Variants in KRT1 observed in about 807,000 individuals in gnomAD.
KRT1 encodes keratin, type II cytoskeletal 1.
In KRT1, 28 loss-of-function variants were observed where a neutral mutation model predicts 51.6. The observed-to-expected ratio is 0.54, with a 90% CI of 0.40 to 0.74. The LOEUF (loss-of-function observed/expected upper bound fraction) is 0.74, where lower values mean the gene tolerates loss of function less well. Among genes scored for constraint, KRT1 ranks in the 30% least tolerant of loss-of-function variants. The pLI is 0.00. For synonymous variants in KRT1, 301 were observed against 307.7 expected, an observed-to-expected ratio of 0.98 and a Z score of 0.23; for missense variants, 783 against 815.5, an observed-to-expected ratio of 0.96 and a Z score of 0.49.
At chr12:52,675,885 C>T in intron 7 of KRT1, 141 bp from the exon 8 acceptor site, 1 of 982,368 alleles carries the variant, frequency 1.0e-6, no homozygotes, top group Non-Finnish European at 1.6e-6. Flanking sequence ...CCAATCCCCT[C>T]TGGCCTCCCA....
chr12:52,678,836 G>C, intron 1 of KRT1, 80 bp from the exon 2 acceptor site: 5 of 1,211,292 alleles, frequency 4.1e-6, no homozygotes, highest in Non-Finnish European at 6.0e-6. Flanking sequence ...ATTTGGAAAA[G>C]AACCTCAATT....
In KRT1 at chr12:52,677,765, C is replaced by A. The variant is rs774920090; in HGVS notation, c.868-20G>T. 2 of 1,598,254 alleles carry A rather than the reference C, an allele frequency of 1.3e-6. No homozygotes were observed. The highest frequency in any genetic ancestry group is 1.3e-5 in the African/African-American group (1 of 74,688). ...CACATCCTAGAGGAACAAGGGACAT[C>A]ATGAAGGCACATTCTCTCCAGGGCA... On this transcript the variant is annotated intron_variant, in intron 3 of 8. Coordinates refer to ENST00000252244, the MANE Select transcript of KRT1 (RefSeq NM_006121.4).
chr12:52,678,294 G>T (rs1941540093), intron 2 of KRT1, 71 bp from the exon 3 acceptor site: 14 of 1,490,486 alleles, frequency 9.4e-6, no homozygotes, highest in Non-Finnish European at 1.1e-5. Context: ...CTAAACTAAA[G>T]GTGGCATTGC....
At position 52,680,290 on chromosome 12, in the gene KRT1, C is replaced by G; in HGVS notation, c.59G>C (p.Gly20Ala). Reference protein sequence around the residue: ...GYRSGGGFSSGSAGIINYQRR... With the variant: ...GYRSGGGFSSASAGIINYQRR... ...CTGGTAGTTGATGATCCCAGCAGAGCCAGAGCTGAAGCCCCCTCCACTTCG... is the reference window on the plus strand; with the variant it reads ...CTGGTAGTTGATGATCCCAGCAGAGGCAGAGCTGAAGCCCCCTCCACTTCG... The change falls in exon 1 of 9, where the codon GGC becomes GCC. Residue 20 changes from glycine to alanine, a missense_variant. Physicochemically the swap from Gly to Ala is moderately conservative, Grantham distance 60. Coordinates refer to ENST00000252244, the MANE Select transcript of KRT1 (RefSeq NM_006121.4). 2 of 1,614,174 alleles carry G rather than the reference C, an allele frequency of 1.2e-6. No individual in the cohort carries two copies. Among genetic ancestry groups the G allele is most frequent in the Admixed American group, 1.7e-5 (1 of 60,034 alleles).
At position 52,678,570 on chromosome 12, in the gene KRT1, G is replaced by T. The variant is rs149638013; in HGVS notation, c.778C>A (p.Gln260Lys). The T allele has an allele frequency of 3.9e-5, 63 of 1,614,212 alleles. No individual in the cohort carries two copies. In the African/African-American group the frequency reaches 7.9e-4, roughly 20 times the overall value. ...TTCCGGTAATCCTCCACCATGTCCT[G>T]CATGTTCTTCAGTTCCGAATCCAAC... Reference protein sequence around the residue: ...SRLDSELKNMQDMVEDYRNKY... With the variant: ...SRLDSELKNMKDMVEDYRNKY... Residue 260 changes from glutamine (Q) to lysine (K), a missense_variant, in exon 2 of 9, where the codon CAG (glutamine) becomes AAG (lysine). Gln to Lys is a moderately conservative substitution (Grantham distance 53). Coordinates refer to ENST00000252244, the MANE Select transcript of KRT1 (RefSeq NM_006121.4).
rs765150249 is a variant in KRT1, at chr12:52,680,260, C to G, written c.89G>C (p.Arg30Thr). Residue 30 changes from arginine (R) to threonine (T), a missense_variant, in exon 1 of 9, where the codon AGG (arginine) becomes ACG (threonine). By Grantham distance (71) the Arg-to-Thr change is moderately conservative. Coordinates refer to ENST00000252244, the MANE Select transcript of KRT1 (RefSeq NM_006121.4). ...GCGGCGTGTGGAGCTGCTGGTGGTC[C>G]TGCGCTGGTAGTTGATGATCCCAGC... Reference protein sequence around the residue: ...GSAGIINYQRRTTSSSTRRSG... With the variant: ...GSAGIINYQRTTTSSSTRRSG... 1 of 1,614,154 alleles carries G rather than the reference C, an allele frequency of 6.2e-7. No individual in the cohort carries two copies. The highest frequency in any genetic ancestry group is 8.5e-7 in the Non-Finnish European group (1 of 1,180,018).
rs755336645 is a variant in KRT1 at position 52,680,386 on chromosome 12, G to A, written c.-38C>T. 1 of 1,579,562 alleles carries A rather than the reference G, an allele frequency of 6.3e-7. No homozygotes were observed. The highest frequency in any genetic ancestry group is 8.7e-7 in the Non-Finnish European group (1 of 1,151,278). Reference sequence around the variant, plus strand: ...AAAAGTAGGAGCAAGGTAGAGTAAGGGAAGGAGCTAAACACTCCTCTACCC... The same window carrying A: ...AAAAGTAGGAGCAAGGTAGAGTAAGAGAAGGAGCTAAACACTCCTCTACCC... On this transcript the variant is annotated 5_prime_UTR_variant, in exon 1 of 9. Coordinates refer to ENST00000252244, the MANE Select transcript of KRT1 (RefSeq NM_006121.4).
chr12:52,677,269 A>G lies in KRT1; in HGVS notation c.1128+47T>C, dbSNP rs542318739. The G allele has an allele frequency of 2.4e-5, 39 of 1,614,214 alleles. No homozygotes were observed. In the East Asian group the frequency reaches 7.6e-4, roughly 31 times the overall value. Reference sequence around the variant, plus strand: ...CATACATGAGATAACACAGGATAGCAAGACAAGCCATTTCAGGGAAACTGG... The same window carrying G: ...CATACATGAGATAACACAGGATAGCGAGACAAGCCATTTCAGGGAAACTGG... On this transcript the variant is annotated intron_variant, in intron 5 of 8. Transcript: ENST00000252244.
In KRT1 at chr12:52,675,442, TCCGGAGCCGTAGCTGCTACC is replaced by T. The variant is rs749418971; in HGVS notation, c.1666_1685del (p.Gly556ArgfsTer91). ...CACCTCCAGAGCCATAGCTGCCACC[TCCGGAGCCGTAGCTGCTACC>T]TCCGGAGCCATAGCTGCCACGGCCG... On this transcript the variant is annotated frameshift_variant, in exon 9 of 9. Transcript: ENST00000252244. LOFTEE classifies it low-confidence loss of function (END_TRUNC). 176 of 470,118 alleles carry T rather than the reference TCCGGAGCCGTAGCTGCTACC, an allele frequency of 3.7e-4. No individual in the cohort carries two copies. Among genetic ancestry groups the T allele is most frequent in the South Asian group, 2.3e-3 (62 of 27,150 alleles). 29.1% of individuals were successfully genotyped at this position (470,118 alleles called of 1,614,324 possible). A position where few individuals can be genotyped will look rare whatever the true frequency, so the allele number is the denominator to read the frequency against.
chr12:52,680,295 G>A lies in KRT1; in HGVS notation c.54C>T (p.Ser18=), dbSNP rs1238083908. The A allele has an allele frequency of 6.2e-7, 1 of 1,614,176 alleles. No individual in the cohort carries two copies. Among genetic ancestry groups the A allele is most frequent in the Admixed American group, 1.7e-5 (1 of 60,024 alleles). ...AGTTGATGATCCCAGCAGAGCCAGA[G>A]CTGAAGCCCCCTCCACTTCGGTACC... ...RSGYRSGGGF[S]SGSAGIINYQ... is the part of the protein sequence containing the mutation. Residue 18 remains serine, a synonymous_variant, in exon 1 of 9, where the codon AGC becomes AGT. Coordinates refer to ENST00000252244, the MANE Select transcript of KRT1 (RefSeq NM_006121.4).
chr12:52,678,882 G>A (rs753829372), intron 1 of KRT1, 126 bp from the exon 2 acceptor site: 1 of 875,178 alleles, frequency 1.1e-6, no homozygotes, highest in Non-Finnish European at 1.8e-6. Flanking sequence ...ATAGGAAGAA[G>A]ATGATCAAGT....
intron 3 of KRT1, 112 bp downstream of exon 3, chr12:52,678,051 C>T (rs1941536949): frequency 3.0e-6 from 3 of 1,001,912 alleles, no homozygotes; most frequent in Non-Finnish European, 3.1e-6. Flanking sequence ...CCATATACTC[C>T]CCAGGTCTAC....
Position 52,676,443 on chromosome 12 carries a change from G to A in KRT1, c.1307C>T (p.Ala436Val), listed in dbSNP as rs1184058811. Residue 436 changes from alanine to valine, a missense_variant, in exon 7 of 9, where the codon GCC becomes GTC. Ala to Val is a moderately conservative substitution (Grantham distance 64, BLOSUM62 0). Transcript: ENST00000252244. The part of the protein sequence containing the change: ...ISDAEQRGEN[A>V]LKDAKNKLND... ...CAGCTTGTTCTTGGCATCCTTGAGG[G>A]CATTCTCGCCACGCTGCTCTGCATC... 1.2e-6 allele frequency: 2 copies of A among 1,614,154 alleles called. No homozygotes were observed. Among genetic ancestry groups the A allele is most frequent in the Admixed American group, 1.7e-5 (1 of 60,012 alleles).
chr12:52,679,803 C>T lies in KRT1; in HGVS notation c.546G>A (p.Glu182=), dbSNP rs1284384456. ...EIQKVKSRER[E]QIKSLNNQFA... Reference sequence around the variant, plus strand: ...ATTGGTTGTTGAGTGACTTGATTTGCTCCCTTTCTCGAGACTTCACCTTTT... The same window carrying T: ...ATTGGTTGTTGAGTGACTTGATTTGTTCCCTTTCTCGAGACTTCACCTTTT... The change falls in exon 1 of 9, where the codon GAG becomes GAA. Residue 182 remains glutamate, a synonymous_variant. Transcript: ENST00000252244. 6.2e-7 allele frequency: 1 copy of T among 1,614,182 alleles called. No homozygotes were observed. The highest frequency in any genetic ancestry group is 2.2e-5 in the East Asian group (1 of 44,876).
Position 52,677,310 on chromosome 12 carries a change from A to G in KRT1, c.1128+6T>C. 6.2e-7 allele frequency: 1 copy of G among 1,614,202 alleles called. No individual in the cohort carries two copies. Among genetic ancestry groups the G allele is most frequent in the Non-Finnish European group, 8.5e-7 (1 of 1,180,028 alleles). On this transcript the variant is annotated splice_donor_region_variant and intron_variant, in intron 5 of 8. Coordinates refer to ENST00000252244, the MANE Select transcript of KRT1 (RefSeq NM_006121.4). ...GGGAAACTGGCTAGGCTTTCAGCCCACTCACCTTGCTCTGGTACAAGGACT... is the reference window on the plus strand; with the variant it reads ...GGGAAACTGGCTAGGCTTTCAGCCCGCTCACCTTGCTCTGGTACAAGGACT...
rs1321432432 is a variant in KRT1, at chr12:52,677,378, C to A, written c.1066G>T (p.Ala356Ser). 2 of 1,614,216 alleles carry A rather than the reference C, an allele frequency of 1.2e-6. No homozygotes were observed. The highest frequency in any genetic ancestry group is 1.3e-5 in the African/African-American group (1 of 75,052). The change falls in exon 5 of 9, where the codon GCC (alanine) becomes TCC (serine). Residue 356 changes from alanine (A) to serine (S), a missense_variant. Physicochemically the swap from Ala to Ser is moderately conservative, Grantham distance 99. Transcript: ENST00000252244. ...TTCTGGGCTATATCCTCGTACTGGG[C>A]CTTGACCTCAGCAATGATGCTGTCC... The part of the protein sequence containing the change: ...DLDSIIAEVK[A>S]QYEDIAQKSK...
At position 52,675,581 on chromosome 12, in the gene KRT1, C is replaced by G. The variant is rs761859748; in HGVS notation, c.1547G>C (p.Gly516Ala). 6.2e-7 allele frequency: 1 copy of G among 1,614,082 alleles called. No individual in the cohort carries two copies. The highest frequency in any genetic ancestry group is 8.5e-7 in the Non-Finnish European group (1 of 1,180,048). Residue 516 changes from glycine to alanine, a missense_variant, in exon 9 of 9, where the codon GGC becomes GCC. Gly to Ala is a moderately conservative substitution (Grantham distance 60). Transcript: ENST00000252244. Reference protein sequence around the residue: ...STSHTTISGGGSRGGGGGGYG... With the variant: ...STSHTTISGGASRGGGGGGYG... ...GCCACCGCCGCCACCTCCTCGGCTG[C>G]CACCTCCACTGATGGTGGTGTGGCT...
chr12:52,676,574 G>C, intron 6 of KRT1, 79 bp from the exon 7 acceptor site: 1 of 1,421,178 alleles, frequency 7.0e-7, no homozygotes, highest in Non-Finnish European at 9.8e-7. Flanking sequence ...CCCCACTCCA[G>C]TGAGGCCAAT....
rs1941487454 is a variant in KRT1, at chr12:52,675,459, T to TACCTCCGGAGCCATAGCTGCC, written c.1648_1668dup (p.Gly550_Gly556dup). ...CTGCCACCTCCGGAGCCGTAGCTGC[T>TACCTCCGGAGCCATAGCTGCC]ACCTCCGGAGCCATAGCTGCCACGG... On this transcript the variant is annotated inframe_insertion, in exon 9 of 9. Coordinates refer to ENST00000252244, the MANE Select transcript of KRT1 (RefSeq NM_006121.4). The TACCTCCGGAGCCATAGCTGCC allele has an allele frequency of 1.3e-5, 6 of 470,498 alleles. No individual in the cohort carries two copies. Among genetic ancestry groups the TACCTCCGGAGCCATAGCTGCC allele is most frequent in the East Asian group, 7.6e-5 (2 of 26,358 alleles). 29.1% of individuals were successfully genotyped at this position (470,498 alleles called of 1,614,324 possible).
Sources: gnomAD v4.1 joint callset for allele counts on GRCh38, gnomAD v4.1.1 for gene constraint, MANE v1.5 for transcripts, NCBI Gene and HGNC (gene_info 2026-07-23, HGNC 2026-07-21) for gene names.